Variants in CNTNAP2 observed in about 807,000 individuals in gnomAD.
CNTNAP2 encodes the protein contactin-associated protein-like 2.
Under a neutral mutation model 155.2 loss-of-function variants are expected in CNTNAP2, and 98 were observed. The observed-to-expected ratio is 0.63, with a 90% confidence interval of 0.54 to 0.75. CNTNAP2 has a LOEUF of 0.75. CNTNAP2 is among the 30% of genes least tolerant of loss of function. The pLI is 0.00. For missense variants in CNTNAP2, 1,727 were observed against 1,688.1 expected (o/e 1.02, Z -0.40); for synonymous variants, 651 against 631.2 (o/e 1.03, Z -0.47).
chr7:147,934,446 A>G (rs1800568106), intron 14 of CNTNAP2, among the ~76,000 whole-genome samples: 1 of 152,178 alleles, frequency 6.6e-6, no homozygotes, highest in Admixed American at 6.5e-5. Context: ...ATTCACTATC[A>G]TGAGAACAGC....
intron 9 of CNTNAP2, among the ~76,000 whole-genome samples, chr7:147,360,984 A>C (rs1335914852): frequency 1.3e-5 from 2 of 152,240 alleles, no homozygotes; most frequent in Non-Finnish European, 2.9e-5. Flanking sequence ...CCAAAACAAC[A>C]ACCAAAGGTT....
chr7:147,265,820 T>C (rs1804595157), intron 8 of CNTNAP2, among the ~76,000 whole-genome samples: 1 of 152,094 alleles, frequency 6.6e-6, no homozygotes. Flanking sequence ...GAAGCCATCT[T>C]TGCCTCCTTA....
intron 1 of CNTNAP2, among the ~76,000 whole-genome samples, chr7:146,420,695 C>G (rs1795999273): frequency 6.6e-6 from 1 of 151,976 alleles, no homozygotes; most frequent in Admixed American, 6.6e-5. Flanking sequence ...TAGAGAGATG[C>G]TAAAGCTGTC....
At chr7:147,996,070 G>A (rs1187510950) in intron 15 of CNTNAP2, among the ~76,000 whole-genome samples, 1 of 152,182 alleles carries the variant, frequency 6.6e-6, no homozygotes. Flanking sequence ...ACGTGCTAGC[G>A]AAAGCACAAG....
intron 9 of CNTNAP2, among the ~76,000 whole-genome samples, chr7:147,360,778 C>A (rs1204939595): frequency 2.0e-5 from 3 of 152,074 alleles, no homozygotes; most frequent in South Asian, 4.1e-4. Flanking sequence ...GCCATTTCGA[C>A]CCCCCACCTG....
chr7:148,257,922 AAC>A (rs59515015), intron 20 of CNTNAP2, among the ~76,000 whole-genome samples: 2,364 of 138,714 alleles, frequency 0.017, 69 homozygotes, highest in East Asian at 0.12. Context: ...CCACACCTTA[AAC>A]ACACACACAC....
chr7:148,410,078 A>AAAGAAAG (rs147365834), intron 23 of CNTNAP2, among the ~76,000 whole-genome samples: 2 of 112,552 alleles, frequency 1.8e-5, no homozygotes, highest in East Asian at 2.1e-4. Flanking sequence ...AGAAAGAAAG[A>AAAGAAAG]AAGAATATAG....
At chr7:147,234,472 G>A (rs1301754790) in intron 8 of CNTNAP2, among the ~76,000 whole-genome samples, 1 of 151,152 alleles carries the variant, frequency 6.6e-6, no homozygotes, top group Non-Finnish European at 1.5e-5. Context: ...AGAGTAGCTG[G>A]GACTACAGGC....
chr7:147,728,249 C>T (rs781284850), intron 13 of CNTNAP2, among the ~76,000 whole-genome samples: 1 of 151,944 alleles, frequency 6.6e-6, no homozygotes, highest in African/African-American at 2.4e-5. Flanking sequence ...TTTTTACATT[C>T]AAGTTTTCTG....
At chr7:146,907,195 T>G (rs1796152964) in intron 3 of CNTNAP2, among the ~76,000 whole-genome samples, 1 of 151,940 alleles carries the variant, frequency 6.6e-6, no homozygotes, top group Non-Finnish European at 1.5e-5. Context: ...GAAAATGATG[T>G]GGAGAATGGA....
intron 1 of CNTNAP2, among the ~76,000 whole-genome samples, chr7:146,686,372 C>T (rs561460989): frequency 1.3e-5 from 2 of 152,218 alleles, no homozygotes; most frequent in Admixed American, 6.5e-5. Context: ...GTATGTGTTG[C>T]GTGTGCAGAA....
intron 14 of CNTNAP2, among the ~76,000 whole-genome samples, chr7:147,919,074 G>C (rs763895908): frequency 6.6e-6 from 1 of 152,128 alleles, no homozygotes; most frequent in Non-Finnish European, 1.5e-5. Flanking sequence ...AGTAGGCTCA[G>C]AGAGATGCTA....
chr7:147,582,170 T>G (rs2051875), intron 12 of CNTNAP2, among the ~76,000 whole-genome samples: 105,129 of 151,934 alleles, frequency 0.69, 36,933 homozygotes, highest in African/African-American at 0.81. Flanking sequence ...TAGCTTAGTA[T>G]CTTCAATTCT....
intron 1 of CNTNAP2, among the ~76,000 whole-genome samples, chr7:146,246,107 A>C (rs1197613504): frequency 6.6e-6 from 1 of 151,928 alleles, no homozygotes; most frequent in African/African-American, 2.4e-5. Flanking sequence ...TAATCCTTTC[A>C]AAGCATGCTA....
chr7:147,822,675 C>A (rs2058506), intron 13 of CNTNAP2, among the ~76,000 whole-genome samples: 7,716 of 152,122 alleles, frequency 0.051, 258 homozygotes, highest in East Asian at 0.14. Context: ...TTAATACTGC[C>A]ATAGGGAACC....
chr7:147,607,485 C>A (rs1801093260), intron 12 of CNTNAP2, among the ~76,000 whole-genome samples: 1 of 151,880 alleles, frequency 6.6e-6, no homozygotes, highest in South Asian at 2.1e-4. Context: ...TTAATTAAGT[C>A]TTTTTCCTGG....
intron 1 of CNTNAP2, among the ~76,000 whole-genome samples, chr7:146,754,854 C>G (rs1158615999): frequency 6.6e-6 from 1 of 151,860 alleles, no homozygotes; most frequent in South Asian, 2.1e-4. Context: ...AAACTATTTT[C>G]CTGTTTCTTC....
chr7:147,187,436 A>G (rs1013645614), intron 8 of CNTNAP2, among the ~76,000 whole-genome samples: 8 of 152,164 alleles, frequency 5.3e-5, no homozygotes, highest in African/African-American at 1.9e-4. Flanking sequence ...TAGCCATAAA[A>G]AAGAACAGAA....
At chr7:146,947,575 ACATATATATATATATATATATATG>A (rs1797213701) in intron 3 of CNTNAP2, among the ~76,000 whole-genome samples, 2 of 24,578 alleles carry the variant, frequency 8.1e-5, no homozygotes, top group African/African-American at 1.7e-4. Flanking sequence ...ATATATATAT[ACATATATATATATATATATATATG>A]TATATATCTT....
Sources: allele counts gnomAD v4.1 joint callset (sites outside exome capture counted in the v4.1 genomes callset), GRCh38; gene constraint gnomAD v4.1.1; transcripts MANE v1.5; gene names NCBI Gene and HGNC (gene_info 2026-07-23, HGNC 2026-07-21).